The following RANBP17 variants were observed in gnomAD, a reference collection of about 807,000 sequenced individuals.
The protein encoded by RANBP17 is RAN binding protein 17.
Under a neutral mutation model 141.2 loss-of-function variants are expected in RANBP17, and 158 were observed. The observed-to-expected ratio is 1.12, with a 90% CI of 0.98 to 1.28. The LOEUF is 1.28. RANBP17 is among the 50% of genes most tolerant of loss of function. The pLI is 0.00. For synonymous variants in RANBP17, 430 were observed against 450.0 expected (o/e 0.96, Z 0.56); for missense variants, 1,438 against 1,290.7 (o/e 1.11, Z -1.75).
intron 14 of RANBP17, among the ~76,000 whole-genome samples, chr5:171,087,759 CTGTT>C (rs1785797069): frequency 6.8e-6 from 1 of 147,672 alleles, no homozygotes; most frequent in Non-Finnish European, 1.5e-5. Context: ...GGTTTAAAGT[CTGTT>C]TTATCAGAGA....
intron 22 of RANBP17, among the ~76,000 whole-genome samples, chr5:171,237,980 T>C (rs1387036624): frequency 2.0e-5 from 3 of 152,194 alleles, no homozygotes; most frequent in African/African-American, 7.2e-5. Context: ...TATTGCTGAA[T>C]AATACATATT....
chr5:171,265,981 G>A (rs1766648211), intron 25 of RANBP17, 134 bp downstream of exon 25: 1 of 680,834 alleles, frequency 1.5e-6, no homozygotes, highest in Non-Finnish European at 2.4e-6. Flanking sequence ...TATATTGTCT[G>A]GGAGTATTTT....
At chr5:170,922,608 C>T (rs1561893834) in intron 11 of RANBP17, among the ~76,000 whole-genome samples, 1 of 152,140 alleles carries the variant, frequency 6.6e-6, no homozygotes, top group Non-Finnish European at 1.5e-5. Context: ...GCTCCGTGGG[C>T]GTGGGACCCA....
At chr5:170,946,377 A>C (rs1334189492) in intron 12 of RANBP17, among the ~76,000 whole-genome samples, 1 of 152,154 alleles carries the variant, frequency 6.6e-6, no homozygotes, top group Non-Finnish European at 1.5e-5. Flanking sequence ...TTACATATGC[A>C]TTCACCAAAA....
intron 12 of RANBP17, among the ~76,000 whole-genome samples, chr5:170,927,238 A>C (rs1211359836): frequency 6.6e-6 from 1 of 152,002 alleles, no homozygotes. Context: ...AATGTATGAG[A>C]TTGTTTCCAT....
intron 14 of RANBP17, among the ~76,000 whole-genome samples, chr5:170,981,413 C>T (rs1308434429): frequency 3.3e-5 from 5 of 152,020 alleles, no homozygotes; most frequent in South Asian, 2.1e-4. Flanking sequence ...CTTGAATTCT[C>T]GTGTGTTGTG....
At chr5:170,887,464 T>G (rs1769257767) in intron 3 of RANBP17, among the ~76,000 whole-genome samples, 1 of 152,200 alleles carries the variant, frequency 6.6e-6, no homozygotes, top group Non-Finnish European at 1.5e-5. Context: ...TTAATTTTTG[T>G]GAAGGGCATG....
chr5:171,180,215 C>T (rs995406741), intron 16 of RANBP17, among the ~76,000 whole-genome samples: 9 of 152,154 alleles, frequency 5.9e-5, no homozygotes, highest in Non-Finnish European at 1.3e-4. Flanking sequence ...GACCTGATTC[C>T]GATTTCAATT....
chr5:171,176,684 A>T (rs2127901702), intron 16 of RANBP17, among the ~76,000 whole-genome samples: 1 of 152,356 alleles, frequency 6.6e-6, no homozygotes, highest in African/African-American at 2.4e-5. Flanking sequence ...CATTAAAAAT[A>T]ATGTGGGTAT....
chr5:171,210,865 C>T (rs1399660689), intron 20 of RANBP17, among the ~76,000 whole-genome samples: 1 of 151,918 alleles, frequency 6.6e-6, no homozygotes, highest in African/African-American at 2.4e-5. Flanking sequence ...ATTAGCCGGG[C>T]ATGGTGGTGC....
At position 170,927,565 on chromosome 5, in the gene RANBP17, G is replaced by T. The variant is rs543233807; in HGVS notation, c.1468+3015G>T. ...TCCTTTGCCATTTTTCTATTGGGTT[G>T]TTGGTCCTTTTTTTCTCCTTGATTT... On this transcript the variant is annotated intron_variant, in intron 12 of 27. Coordinates refer to ENST00000523189, the MANE Select transcript of RANBP17 (RefSeq NM_022897.5). Among the ~76,000 whole-genome samples, 5 of 151,908 alleles carry T rather than the reference G, an allele frequency of 3.3e-5. No homozygotes were observed. The South Asian group carries it at 6.3e-4, about 19-fold the overall frequency.
chr5:171,022,793 G>T (rs372268147), intron 14 of RANBP17, among the ~76,000 whole-genome samples: 1 of 152,196 alleles, frequency 6.6e-6, no homozygotes, highest in Non-Finnish European at 1.5e-5. Context: ...GCAGGCAACC[G>T]CAGCTATGGT....
rs562882541 is a variant in RANBP17 at position 171,042,300 on chromosome 5, T to C, written c.1710+73923T>C. ...AGGATAGGACCTAACTATATAGTTA[T>C]ATATAGTTAACTATATAGGAACTAA... On this transcript the variant is annotated intron_variant, in intron 14 of 27. Transcript: ENST00000523189. Among the ~76,000 whole-genome samples, 8 of 152,180 alleles carry C rather than the reference T, an allele frequency of 5.3e-5. No homozygotes were observed. In the South Asian group the frequency reaches 8.3e-4, roughly 16 times the overall value.
intron 14 of RANBP17, among the ~76,000 whole-genome samples, chr5:171,153,438 G>A (rs1758629206): frequency 6.6e-6 from 1 of 152,134 alleles, no homozygotes; most frequent in South Asian, 2.1e-4. Context: ...TAAACAGTGG[G>A]ACACACTATT....
At chr5:170,999,481 C>T (rs1381182658) in intron 14 of RANBP17, among the ~76,000 whole-genome samples, 52 of 152,012 alleles carry the variant, frequency 3.4e-4, no homozygotes, top group Admixed American at 3.4e-3. Context: ...GAAGCTGTAC[C>T]TATAATGCTA....
Position 170,870,728 on chromosome 5 carries a change from A to G in RANBP17, c.19-7369A>G, listed in dbSNP as rs191547165. Among the ~76,000 whole-genome samples the G allele has an allele frequency of 6.2e-4, 94 of 152,306 alleles. 1 individual carries two copies. The South Asian group carries it at 0.012, about 20-fold the overall frequency. ...TAGAATGATTTATATTCCTTTGAGT[A>G]TATACCCAGTAATGAGATTGCTTTG... On this transcript the variant is annotated intron_variant, in intron 1 of 27. Coordinates refer to ENST00000523189, the MANE Select transcript of RANBP17 (RefSeq NM_022897.5).
chr5:171,027,121 A>G (rs1049098570), intron 14 of RANBP17, among the ~76,000 whole-genome samples: 1 of 152,202 alleles, frequency 6.6e-6, no homozygotes, highest in Non-Finnish European at 1.5e-5. Flanking sequence ...CCCTTGTGCC[A>G]AAAACACTGG....
chr5:171,059,402 A>C lies in RANBP17; in HGVS notation c.1710+91025A>C, dbSNP rs185123957. Reference sequence around the variant, plus strand: ...CATATGGCTAGCCAGTTTTCCCAGCACCATTTATTAAACAGGAAATCCTTT... The same window carrying C: ...CATATGGCTAGCCAGTTTTCCCAGCCCCATTTATTAAACAGGAAATCCTTT... On this transcript the variant is annotated intron_variant, in intron 14 of 27. Coordinates refer to ENST00000523189, the MANE Select transcript of RANBP17 (RefSeq NM_022897.5). Among the ~76,000 whole-genome samples, 721 of 152,266 alleles carry C rather than the reference A, an allele frequency of 4.7e-3. 5 individuals carry two copies. Among genetic ancestry groups the C allele is most frequent in the African/African-American group, 0.017 (699 of 41,542 alleles).
chr5:170,864,147 T>A (rs1341735997), intron 1 of RANBP17, among the ~76,000 whole-genome samples: 3 of 152,196 alleles, frequency 2.0e-5, no homozygotes, highest in Non-Finnish European at 4.4e-5. Flanking sequence ...TTAAAACAGT[T>A]GTGACTTGCC....
Sources: gnomAD v4.1 joint callset for allele counts (sites outside exome capture counted in the v4.1 genomes callset) on GRCh38, gnomAD v4.1.1 for gene constraint, MANE v1.5 for transcripts, NCBI Gene and HGNC (gene_info 2026-07-23, HGNC 2026-07-21) for gene names.